APBA1: variants seen among roughly 807,000 people sequenced by gnomAD.
APBA1 encodes the protein amyloid beta precursor protein binding family A member 1.
In APBA1, 55 loss-of-function variants were observed where a neutral mutation model predicts 86.6. That is an observed-to-expected ratio of 0.64 (90% confidence interval 0.51 to 0.80). The LOEUF (loss-of-function observed/expected upper bound fraction) is 0.80, where lower values mean the gene tolerates loss of function less well. APBA1 is among the 30% of genes least tolerant of loss of function. APBA1 has a pLI of 0.00. For missense variants in APBA1, 1,090 were observed against 1,183.0 expected, an observed-to-expected ratio of 0.92 and a Z score of 1.15; for synonymous variants, 511 against 493.9, an observed-to-expected ratio of 1.03 and a Z score of -0.46.
At chr9:69,628,837 T>G (rs973211477) in intron 1 of APBA1, among the ~76,000 whole-genome samples, 27 of 152,186 alleles carry the variant, frequency 1.8e-4, no homozygotes, top group African/African-American at 6.5e-4. Context: ...AAGTTTCTAT[T>G]AAATCTCCAT....
At chr9:69,454,113 CT>C (rs1835056685) in intron 8 of APBA1, among the ~76,000 whole-genome samples, 1 of 152,258 alleles carries the variant, frequency 6.6e-6, no homozygotes, top group Non-Finnish European at 1.5e-5. Context: ...CTCCACTGCT[CT>C]TTCCCCACCT....
At chr9:69,605,938 G>A (rs1822461010) in intron 1 of APBA1, among the ~76,000 whole-genome samples, 1 of 152,154 alleles carries the variant, frequency 6.6e-6, no homozygotes, top group Non-Finnish European at 1.5e-5. Flanking sequence ...ATTAATGCAT[G>A]GAAAATTCTC....
intron 12 of APBA1, among the ~76,000 whole-genome samples, chr9:69,432,034 C>A (rs872520): frequency 2.2e-4 from 34 of 151,896 alleles, no homozygotes; most frequent in Non-Finnish European, 4.0e-4. Flanking sequence ...GCAGTGATGA[C>A]TGACAGTAGT....
At chr9:69,653,419 CAGAG>C (rs1823547442) in intron 1 of APBA1, among the ~76,000 whole-genome samples, 1 of 152,310 alleles carries the variant, frequency 6.6e-6, no homozygotes, top group Admixed American at 6.5e-5. Context: ...AGTAAATCAA[CAGAG>C]AAACATCAGA....
chr9:69,596,368 T>C (rs924089531), intron 1 of APBA1, among the ~76,000 whole-genome samples: 13 of 152,230 alleles, frequency 8.5e-5, no homozygotes, highest in Admixed American at 7.9e-4. Context: ...TTTCCAGGCA[T>C]CTAAATCCTT....
At chr9:69,492,468 C>A (rs1481416568) in intron 2 of APBA1, among the ~76,000 whole-genome samples, 3 of 151,970 alleles carry the variant, frequency 2.0e-5, no homozygotes, top group Non-Finnish European at 2.9e-5. Context: ...ATTTTATTCA[C>A]GGGTAAAATT....
At chr9:69,515,873 G>T in intron 2 of APBA1, 138 bp downstream of exon 2, 2 of 897,336 alleles carry the variant, frequency 2.2e-6, no homozygotes, top group African/African-American at 1.7e-5. Flanking sequence ...TGTTTCTGAG[G>T]CTTACGGTGG....
chr9:69,610,387 T>TG (rs1822563067), intron 1 of APBA1, among the ~76,000 whole-genome samples: 1 of 152,176 alleles, frequency 6.6e-6, no homozygotes, highest in African/African-American at 2.4e-5. Flanking sequence ...TTGTTGTTGT[T>TG]GGGGAGTAAG....
chr9:69,443,292 T>C (rs1195445534), intron 10 of APBA1, among the ~76,000 whole-genome samples: 1 of 152,234 alleles, frequency 6.6e-6, no homozygotes, highest in Non-Finnish European at 1.5e-5. Flanking sequence ...GAACAACTGT[T>C]GTGGACTACT....
At chr9:69,668,865 G>A (rs1823891596) in intron 1 of APBA1, among the ~76,000 whole-genome samples, 1 of 152,078 alleles carries the variant, frequency 6.6e-6, no homozygotes, top group African/African-American at 2.4e-5. Flanking sequence ...CTTAATCACA[G>A]CTCAAATGCT....
At chr9:69,434,902 G>A (rs554002663) in intron 11 of APBA1, among the ~76,000 whole-genome samples, 8 of 150,392 alleles carry the variant, frequency 5.3e-5, no homozygotes, top group East Asian at 3.9e-4. Flanking sequence ...CCATTAACTC[G>A]TCATTTAGCA....
chr9:69,436,664 G>A (rs1329920028), intron 11 of APBA1, among the ~76,000 whole-genome samples: 2 of 151,062 alleles, frequency 1.3e-5, no homozygotes, highest in Non-Finnish European at 2.9e-5. Flanking sequence ...ATCAGCTTAA[G>A]GAGATTTTGG....
intron 9 of APBA1, among the ~76,000 whole-genome samples, chr9:69,450,554 C>CA (rs1397524206): frequency 6.6e-6 from 1 of 152,190 alleles, no homozygotes; most frequent in Non-Finnish European, 1.5e-5. Flanking sequence ...CTGCTTCCCC[C>CA]AGCTGCTGAA....
chr9:69,568,226 C>T (rs1165528155), intron 1 of APBA1, among the ~76,000 whole-genome samples: 1 of 152,156 alleles, frequency 6.6e-6, no homozygotes, highest in East Asian at 1.9e-4. Context: ...TCTCAAAGCT[C>T]CTAACCAGAG....
chr9:69,588,275 G>T (rs1263670809), intron 1 of APBA1, among the ~76,000 whole-genome samples: 2 of 152,232 alleles, frequency 1.3e-5, no homozygotes, highest in East Asian at 3.9e-4. Context: ...AGGGGGCAAT[G>T]TCATTAAAAA....
At chr9:69,470,153 T>C (rs1363054249) in intron 4 of APBA1, among the ~76,000 whole-genome samples, 1 of 152,180 alleles carries the variant, frequency 6.6e-6, no homozygotes, top group Non-Finnish European at 1.5e-5. Context: ...ATTTATCCTT[T>C]CAGGAAATTG....
intron 1 of APBA1, among the ~76,000 whole-genome samples, chr9:69,610,251 T>C (rs1822560605): frequency 6.6e-6 from 1 of 152,144 alleles, no homozygotes. Context: ...GCCTAGGAGT[T>C]TGAGTCTACA....
At chr9:69,436,581 GTTGTT>G (rs1834726363) in intron 11 of APBA1, among the ~76,000 whole-genome samples, 1 of 106,600 alleles carries the variant, frequency 9.4e-6, no homozygotes, top group Non-Finnish European at 1.9e-5. Flanking sequence ...CTCTCTGTTT[GTTGTT>G]GGTGTATAAG....
At chr9:69,645,002 AGTAT>A (rs887271424) in intron 1 of APBA1, among the ~76,000 whole-genome samples, 60 of 151,496 alleles carry the variant, frequency 4.0e-4, no homozygotes, top group African/African-American at 1.4e-3. Context: ...AGTGAGTAGA[AGTAT>A]GTGTGGGGAT....
Sources: allele counts gnomAD v4.1 joint callset (sites outside exome capture counted in the v4.1 genomes callset), GRCh38; gene constraint gnomAD v4.1.1; transcripts MANE v1.5; gene names NCBI Gene and HGNC (gene_info 2026-07-23, HGNC 2026-07-21).